The following HEATR5A variants were observed in gnomAD, a reference collection of about 807,000 sequenced individuals.
HEATR5A encodes HEAT repeat-containing protein 5A.
In HEATR5A, 178 loss-of-function variants were observed where a neutral mutation model predicts 218.8. That is an observed-to-expected ratio of 0.81 (90% CI 0.72 to 0.92). The LOEUF is 0.92. Among genes scored for constraint, HEATR5A ranks in the 40% least tolerant of loss-of-function variants. The pLI is 0.00. For synonymous variants in HEATR5A, 864 were observed against 871.6 expected, an observed-to-expected ratio of 0.99 and a Z score of 0.15; for missense variants, 2,420 against 2,418.9, an observed-to-expected ratio of 1.00 and a Z score of -0.01.
At chr14:31,312,205 C>A (rs998241425) in intron 28 of HEATR5A, among the ~76,000 whole-genome samples, 1 of 152,180 alleles carries the variant, frequency 6.6e-6, no homozygotes, top group Admixed American at 6.6e-5. Flanking sequence ...CAGAAAGATT[C>A]ATTGTATCTT....
At chr14:31,367,116 G>C (rs1901832242) in intron 13 of HEATR5A, among the ~76,000 whole-genome samples, 1 of 152,146 alleles carries the variant, frequency 6.6e-6, no homozygotes, top group African/African-American at 2.4e-5. Flanking sequence ...ACAAAATTCA[G>C]TAAGGTGGTC....
chr14:31,337,646 TA>T (rs1418152340), intron 21 of HEATR5A, 32 bp from the exon 22 acceptor site: 3 of 1,580,862 alleles, frequency 1.9e-6, no homozygotes, highest in Non-Finnish European at 2.6e-6. Context: ...ACGACAGAGC[TA>T]AAATTCTTGT....
chr14:31,370,984 AG>A (rs1902015062), intron 13 of HEATR5A, among the ~76,000 whole-genome samples: 1 of 152,216 alleles, frequency 6.6e-6, no homozygotes, highest in South Asian at 2.1e-4. Context: ...GGTGCTGGAG[AG>A]GGGCACACAG....
chr14:31,395,734 A>C (rs1020124613), intron 4 of HEATR5A, among the ~76,000 whole-genome samples: 1 of 152,216 alleles, frequency 6.6e-6, no homozygotes, highest in Admixed American at 6.5e-5. Context: ...CATCTAAAAA[A>C]CAGAGGTAAT....
rs769850765 is a variant in HEATR5A at position 31,326,149 on chromosome 14, T to C, written c.3547+14A>G. The stretch of plus-strand genomic sequence containing the variant: ...TCAATTTTATTATTTTAACTGATAA[T>C]GTCCAATACTTACCAGCTGATGCAG... On this transcript the variant is annotated intron_variant, in intron 23 of 35. Transcript: ENST00000543095. The C allele has an allele frequency of 1.0e-5, 16 of 1,597,166 alleles. No homozygotes were observed. In the South Asian group the frequency reaches 1.5e-4, roughly 15 times the overall value.
In HEATR5A at chr14:31,345,124, C is replaced by G. The variant is rs768732026; in HGVS notation, c.3021G>C (p.Leu1007Phe). Reference sequence around the variant, plus strand: ...GACCTAACGTGGTAATAAGGGCATTCAAACAGCGACCAAGGCTTTGGTGAA... The same window carrying G: ...GACCTAACGTGGTAATAAGGGCATTGAAACAGCGACCAAGGCTTTGGTGAA... ...AEVHQSLGRC[L>F]NALITTLGPE... The change falls in exon 20 of 36, where the codon TTG becomes TTC. Residue 1007 changes from leucine (L) to phenylalanine (F), a missense_variant. Transcript: ENST00000543095. 3 of 1,613,866 alleles carry G rather than the reference C, an allele frequency of 1.9e-6. No homozygotes were observed. The highest frequency in any genetic ancestry group is 2.5e-6 in the Non-Finnish European group (3 of 1,179,850).
chr14:31,376,763 G>GA (rs1343691085), intron 11 of HEATR5A, among the ~76,000 whole-genome samples: 1 of 152,020 alleles, frequency 6.6e-6, no homozygotes. Context: ...TAAAGGGAAT[G>GA]AAAAAAACAG....
intron 1 of HEATR5A, among the ~76,000 whole-genome samples, chr14:31,418,971 T>C (rs2139336546): frequency 6.6e-6 from 1 of 152,314 alleles, no homozygotes; most frequent in South Asian, 2.1e-4. Context: ...ATTAGTTTAA[T>C]GTAGTTAATT....
At chr14:31,372,196 C>CA (rs201678515) in intron 12 of HEATR5A, among the ~76,000 whole-genome samples, 6,931 of 75,206 alleles carry the variant, frequency 0.092, 405 homozygotes, top group African/African-American at 0.22. Flanking sequence ...AGCTTAGAAG[C>CA]AAAAAAAAAA....
rs758451281 is a variant in HEATR5A, at chr14:31,383,778, G to A, written c.1346-7C>T. Reference sequence around the variant, plus strand: ...AAGATACTGTCAAGGAGACCTGGAAGGATAAACAAATGATGACTTAGGTAC... The same window carrying A: ...AAGATACTGTCAAGGAGACCTGGAAAGATAAACAAATGATGACTTAGGTAC... On this transcript the variant is annotated splice_region_variant and splice_polypyrimidine_tract_variant and intron_variant, in intron 9 of 35. Coordinates refer to ENST00000543095, the MANE Select transcript of HEATR5A (RefSeq NM_015473.4). 18 of 1,609,468 alleles carry A rather than the reference G, an allele frequency of 1.1e-5. No individual in the cohort carries two copies. The South Asian group carries it at 2.0e-4, about 18-fold the overall frequency.
chr14:31,298,901 A>C (rs1428209530), intron 33 of HEATR5A, among the ~76,000 whole-genome samples: 1 of 152,058 alleles, frequency 6.6e-6, no homozygotes, highest in East Asian at 1.9e-4. Context: ...GATCTTTCCC[A>C]TGCCTTACAC....
At chr14:31,354,945 G>C (rs1423090333) in intron 16 of HEATR5A, among the ~76,000 whole-genome samples, 2 of 152,094 alleles carry the variant, frequency 1.3e-5, no homozygotes, top group Admixed American at 6.5e-5. Flanking sequence ...ATCACCTAAG[G>C]AGTTTAAAAA....
At position 31,403,001 on chromosome 14, in the gene HEATR5A, T is replaced by C. The variant is rs1275319915; in HGVS notation, c.-26A>G. On this transcript the variant is annotated 5_prime_UTR_variant, in exon 2 of 36. Coordinates refer to ENST00000543095, the MANE Select transcript of HEATR5A (RefSeq NM_015473.4). ...TCCTTGCAGCAATCCTCCCAGCTGA[T>C]CACAGTTCTTCTCGTTAAACTTTGG... is the stretch of plus-strand genomic sequence containing the variant. 3 of 1,528,464 alleles carry C rather than the reference T, an allele frequency of 2.0e-6. No individual in the cohort carries two copies. Among genetic ancestry groups the C allele is most frequent in the African/African-American group, 2.7e-5 (2 of 72,914 alleles). The allele number at this position is 1,528,464 out of a possible 1,614,324, so 94.7% of individuals were successfully genotyped here. A position where few individuals can be genotyped will look rare whatever the true frequency, so the allele number is the denominator to read the frequency against.
At chr14:31,350,865 C>T in intron 16 of HEATR5A, 148 bp from the exon 17 acceptor site, 1 of 547,006 alleles carries the variant, frequency 1.8e-6, no homozygotes, top group East Asian at 3.0e-5. Context: ...ACAACCTCCA[C>T]CTTCCTGGCT....
intron 24 of HEATR5A, among the ~76,000 whole-genome samples, 187 bp from the exon 25 acceptor site, chr14:31,321,867 CA>C (rs1323384647): frequency 6.6e-6 from 1 of 152,124 alleles, no homozygotes; most frequent in Non-Finnish European, 1.5e-5. Context: ...CAAATACACA[CA>C]AGAAAACTGT....
chr14:31,362,451 G>T (rs887337186), intron 14 of HEATR5A, among the ~76,000 whole-genome samples: 1 of 151,402 alleles, frequency 6.6e-6, no homozygotes, highest in African/African-American at 2.4e-5. Flanking sequence ...TCTAATTCAA[G>T]TTTTTTTAAG....
rs772573031 is a variant in HEATR5A, at chr14:31,347,843, T to A, written c.2773A>T (p.Arg925Trp). 13 of 1,596,108 alleles carry A rather than the reference T, an allele frequency of 8.1e-6. No individual in the cohort carries two copies. In the Admixed American group the frequency reaches 2.3e-4, roughly 28 times the overall value. The change falls in exon 19 of 36, where the codon AGG becomes TGG. Residue 925 changes from arginine (R) to tryptophan (W), a missense_variant. By Grantham distance (101) the Arg-to-Trp change is moderately radical (BLOSUM62 -3). Coordinates refer to ENST00000543095, the MANE Select transcript of HEATR5A (RefSeq NM_015473.4). ...GHSLALGSLH[R>W]YLGGISSSQH... ...GAAGAACTTATTCCTCCTAAATACC[T>A]ATGTAGGGACCCCAAGGCCAATGAG...
rs73259359 is a variant in HEATR5A, at chr14:31,387,201, C to T, written c.1108G>A (p.Gly370Ser). The change falls in exon 8 of 36, where the codon GGT becomes AGT. Residue 370 changes from glycine to serine, a missense_variant. By Grantham distance (56) the Gly-to-Ser change is moderately conservative. Coordinates refer to ENST00000543095, the MANE Select transcript of HEATR5A (RefSeq NM_015473.4). Reference sequence around the variant, plus strand: ...TGAGCCTTTTCTCCAAGAAGACCACCTATAGTAGTTCGAAGAATAAATGAA... The same window carrying T: ...TGAGCCTTTTCTCCAAGAAGACCACTTATAGTAGTTCGAAGAATAAATGAA... ...CVSFILRTTI[G>S]GLLGEKAQLA... is the part of the protein sequence containing the mutation. 5.2e-3 allele frequency: 8,324 copies of T among 1,613,872 alleles called. 217 individuals are homozygous for T. The African/African-American group carries it at 0.072, about 14-fold the overall frequency.
At chr14:31,321,785 T>C (rs1358437264) in intron 24 of HEATR5A, 105 bp from the exon 25 acceptor site, 2 of 799,888 alleles carry the variant, frequency 2.5e-6, no homozygotes, top group Admixed American at 3.0e-5. Context: ...CTCCTTTAAG[T>C]ACCTCTGACT....
Sources: gnomAD v4.1 joint callset for allele counts (sites outside exome capture counted in the v4.1 genomes callset) on GRCh38, gnomAD v4.1.1 for gene constraint, MANE v1.5 for transcripts, NCBI Gene and HGNC (gene_info 2026-07-23, HGNC 2026-07-21) for gene names.